KCNT2: variants seen among roughly 807,000 people sequenced by gnomAD.
The protein encoded by KCNT2 is potassium sodium-activated channel subfamily T member 2.
Under a neutral mutation model 153.8 loss-of-function variants are expected in KCNT2, and 67 were observed. The observed-to-expected ratio is 0.44, with a 90% CI of 0.36 to 0.53. The LOEUF is 0.53. KCNT2 is among the 20% of genes least tolerant of loss of function. The pLI, the probability that KCNT2 is intolerant of heterozygous loss-of-function variation, is 0.00. For missense variants in KCNT2, 975 were observed against 1,354.8 expected, an observed-to-expected ratio of 0.72 and a Z score of 4.40; for synonymous variants, 500 against 458.8, an observed-to-expected ratio of 1.09 and a Z score of -1.15.
chr1:196,316,330 T>C (rs1662717646), intron 20 of KCNT2, among the ~76,000 whole-genome samples: 1 of 151,762 alleles, frequency 6.6e-6, no homozygotes, highest in African/African-American at 2.4e-5. Context: ...ACATCCATTT[T>C]GCAATAAAAT....
chr1:196,523,666 C>T (rs1027054915), intron 1 of KCNT2, among the ~76,000 whole-genome samples: 1 of 152,104 alleles, frequency 6.6e-6, no homozygotes, highest in Non-Finnish European at 1.5e-5. Flanking sequence ...TCTATTGGGT[C>T]TCAAAGCATC....
intron 1 of KCNT2, among the ~76,000 whole-genome samples, chr1:196,579,308 C>A (rs1314003178): frequency 1.3e-5 from 2 of 151,974 alleles, no homozygotes; most frequent in Non-Finnish European, 2.9e-5. Flanking sequence ...GAACAATAAA[C>A]CCTGGGGCCT....
chr1:196,260,295 A>C (rs1401914211), intron 25 of KCNT2, among the ~76,000 whole-genome samples: 1 of 151,920 alleles, frequency 6.6e-6, no homozygotes, highest in African/African-American at 2.4e-5. Context: ...AAATTAATAA[A>C]AAATTTTAAA....
intron 1 of KCNT2, among the ~76,000 whole-genome samples, chr1:196,508,828 A>C (rs1213864997): frequency 2.6e-5 from 4 of 152,232 alleles, no homozygotes; most frequent in Non-Finnish European, 5.9e-5. Flanking sequence ...CCTTATTATC[A>C]GTGGAGTCAG....
chr1:196,230,715 A>G (rs1031665567), intron 27 of KCNT2, among the ~76,000 whole-genome samples: 6 of 152,008 alleles, frequency 3.9e-5, no homozygotes, highest in African/African-American at 1.4e-4. Context: ...GATGTGACTC[A>G]ACTGCTGCAA....
chr1:196,294,307 C>G (rs749761331), intron 22 of KCNT2, among the ~76,000 whole-genome samples: 1 of 152,106 alleles, frequency 6.6e-6, no homozygotes, highest in East Asian at 1.9e-4. Flanking sequence ...GACTGAATCT[C>G]GCTCTGTCGC....
intron 1 of KCNT2, among the ~76,000 whole-genome samples, chr1:196,602,782 T>A (rs997979058): frequency 7.7e-6 from 1 of 130,366 alleles, no homozygotes; most frequent in African/African-American, 2.9e-5. Context: ...TTTTTTTTTT[T>A]TTTTTTTTTT....
intron 27 of KCNT2, among the ~76,000 whole-genome samples, chr1:196,233,638 A>G (rs942660915): frequency 2.0e-4 from 30 of 151,484 alleles, no homozygotes; most frequent in African/African-American, 7.2e-4. Context: ...TATACTTTAA[A>G]TAACATATTT....
At chr1:196,531,896 G>A (rs1572741679) in intron 1 of KCNT2, among the ~76,000 whole-genome samples, 1 of 152,084 alleles carries the variant, frequency 6.6e-6, no homozygotes, top group African/African-American at 2.4e-5. Context: ...GTTACAGAAA[G>A]TGGTAATTCT....
intron 22 of KCNT2, among the ~76,000 whole-genome samples, chr1:196,303,066 G>A (rs1461807781): frequency 6.6e-6 from 1 of 150,894 alleles, no homozygotes; most frequent in African/African-American, 2.4e-5. Context: ...TTTCCTTGGA[G>A]CATTTTCTTT....
chr1:196,422,760 A>G (rs1280327438), intron 12 of KCNT2, among the ~76,000 whole-genome samples: 1 of 152,032 alleles, frequency 6.6e-6, no homozygotes, highest in Non-Finnish European at 1.5e-5. Flanking sequence ...ACAAAACTAC[A>G]TATCATAAGA....
chr1:196,436,578 A>G (rs906130643), intron 8 of KCNT2, among the ~76,000 whole-genome samples: 1 of 151,436 alleles, frequency 6.6e-6, no homozygotes, highest in Admixed American at 6.6e-5. Context: ...TACAGTGATA[A>G]TCAGGCATTA....
rs1377465057 is a variant in KCNT2, at chr1:196,475,006, A to C, written c.384+4173T>G. Among the ~76,000 whole-genome samples the C allele has an allele frequency of 2.6e-5, 4 of 152,326 alleles. No homozygotes were observed. The East Asian group carries it at 5.8e-4, about 22-fold the overall frequency. ...CTGGTTTTCAAAACCTACAGTCTCAATGAAAGTTTAAACTATTTTAGTAGC... is the reference window on the plus strand; with the variant it reads ...CTGGTTTTCAAAACCTACAGTCTCACTGAAAGTTTAAACTATTTTAGTAGC... On this transcript the variant is annotated intron_variant, in intron 5 of 27. Coordinates refer to ENST00000294725, the MANE Select transcript of KCNT2 (RefSeq NM_198503.5).
At chr1:196,554,710 CT>C (rs1222807530) in intron 1 of KCNT2, among the ~76,000 whole-genome samples, 1 of 151,092 alleles carries the variant, frequency 6.6e-6, no homozygotes, top group Non-Finnish European at 1.5e-5. Context: ...GCCAGTATCT[CT>C]GATGAATATT....
chr1:196,530,163 T>C (rs1188281636), intron 1 of KCNT2, among the ~76,000 whole-genome samples: 1 of 151,974 alleles, frequency 6.6e-6, no homozygotes, highest in Non-Finnish European at 1.5e-5. Flanking sequence ...AAAGAAAATA[T>C]ATATATGTAT....
intron 12 of KCNT2, among the ~76,000 whole-genome samples, chr1:196,410,538 G>A (rs1178527684): frequency 6.6e-6 from 1 of 150,892 alleles, no homozygotes; most frequent in African/African-American, 2.4e-5. Context: ...TGCACGTTGT[G>A]CACATGTACC....
At chr1:196,527,826 A>G (rs568196334) in intron 1 of KCNT2, among the ~76,000 whole-genome samples, 1 of 152,324 alleles carries the variant, frequency 6.6e-6, no homozygotes, top group East Asian at 1.9e-4. Context: ...TTTCACACAC[A>G]GTGACAGAGC....
At chr1:196,591,026 C>A (rs1370616041) in intron 1 of KCNT2, among the ~76,000 whole-genome samples, 1 of 152,076 alleles carries the variant, frequency 6.6e-6, no homozygotes, top group South Asian at 2.1e-4. Flanking sequence ...ACTCGAGAGG[C>A]TGAGGCATGA....
Position 196,453,988 on chromosome 1 carries a change from A to G in KCNT2, c.638+11305T>C, listed in dbSNP as rs1047692517. ...TTCACAGCCAATTGCATATTTTGTC[A>G]TCTTTCCATTTTTTTTATTATTCTT... On this transcript the variant is annotated intron_variant, in intron 8 of 27. Transcript: ENST00000294725. Among the ~76,000 whole-genome samples, 14 of 135,958 alleles carry G rather than the reference A, an allele frequency of 1.0e-4. No individual in the cohort carries two copies. In the Admixed American group the frequency reaches 1.1e-3, roughly 11 times the overall value. The allele number at this position is 135,958 out of a possible 152,430, so 89.2% of individuals were successfully genotyped here.
Sources: allele counts gnomAD v4.1 joint callset (sites outside exome capture counted in the v4.1 genomes callset), GRCh38; gene constraint gnomAD v4.1.1; transcripts MANE v1.5; gene names NCBI Gene and HGNC (gene_info 2026-07-23, HGNC 2026-07-21).